The following NCL variants were observed in gnomAD, a reference collection of about 807,000 sequenced individuals.
NCL encodes the protein nucleolin multifunctional protein.
NCL carries 4 observed loss-of-function variants against 77.7 expected under a neutral mutation model. The observed-to-expected ratio is 0.05, with a 90% confidence interval of 0.03 to 0.12. The LOEUF is 0.12. NCL is among the 10% of genes least tolerant of loss of function. The pLI is 1.00. For missense variants in NCL, 763 were observed against 860.9 expected, an observed-to-expected ratio of 0.89 and a Z score of 1.42; for synonymous variants, 344 against 297.8, an observed-to-expected ratio of 1.16 and a Z score of -1.60.
At chr2:231,460,374 C>T in intron 5 of NCL, 81 bp from the exon 6 acceptor site, 2 of 1,594,324 alleles carry the variant, frequency 1.3e-6, no homozygotes, top group Non-Finnish European at 1.7e-6. Flanking sequence ...ATACACAGCA[C>T]ATCAGCACAC....
rs2046980716 is a variant in NCL, at chr2:231,464,371, A to G, written c.-18T>C. The G allele has an allele frequency of 1.2e-6, 2 of 1,600,530 alleles. No homozygotes were observed. Among genetic ancestry groups the G allele is most frequent in the Non-Finnish European group, 1.7e-6 (2 of 1,173,358 alleles). Reference sequence around the variant, plus strand: ...TTCACCATGATGGCGGCGGAGTGTGAAGCGGACAAGTGGCGCAGATGAGTC... The same window carrying G: ...TTCACCATGATGGCGGCGGAGTGTGGAGCGGACAAGTGGCGCAGATGAGTC... On this transcript the variant is annotated 5_prime_UTR_variant, in exon 1 of 14. Coordinates refer to ENST00000322723, the MANE Select transcript of NCL (RefSeq NM_005381.3).
chr2:231,460,662 T>G lies in NCL; in HGVS notation c.811+7A>C. On this transcript the variant is annotated splice_region_variant and intron_variant, in intron 4 of 13. Transcript: ENST00000322723. ...TCATGTCGTATGTCAGAATCTAATTTAAGTACCTTCCTCCTCCTCTTCTTC... is the reference window on the plus strand; with the variant it reads ...TCATGTCGTATGTCAGAATCTAATTGAAGTACCTTCCTCCTCCTCTTCTTC... 1 of 1,614,158 alleles carries G rather than the reference T, an allele frequency of 6.2e-7. No individual in the cohort carries two copies. The highest frequency in any genetic ancestry group is 8.5e-7 in the Non-Finnish European group (1 of 1,180,018).
In NCL at chr2:231,453,628, A is replaced by T. The variant is rs950468685; in HGVS notation, c.*1563T>A. On this transcript the variant is annotated 3_prime_UTR_variant, in exon 14 of 14. Coordinates refer to ENST00000322723, the MANE Select transcript of NCL (RefSeq NM_005381.3). ...GGCTTGCCTCATAGGAGACCCTCCC[A>T]CTGCTTTTTCATCGTAGTTACAACC... The T allele has an allele frequency of 1.3e-5, 2 of 153,984 alleles. No homozygotes were observed. The highest frequency in any genetic ancestry group is 4.8e-5 in the African/African-American group (2 of 41,446). The allele number at this position is 153,984 out of a possible 1,614,324, so 9.5% of individuals were successfully genotyped here. A position where few individuals can be genotyped will look rare whatever the true frequency, so the allele number is the denominator to read the frequency against.
At position 231,461,586 on chromosome 2, in the gene NCL, A is replaced by ATCC; in HGVS notation, c.566_567insGGA (p.Asp188_Asp189insGlu). On this transcript the variant is annotated inframe_insertion, in exon 3 of 14. Coordinates refer to ENST00000322723, the MANE Select transcript of NCL (RefSeq NM_005381.3). ...CATCCTCATCATCTTCGTCATCCTC[A>ATCC]TCGTCCTCATCCTCTGAGGCAGGGG... The ATCC allele has an allele frequency of 6.2e-7, 1 of 1,611,834 alleles. No homozygotes were observed. The highest frequency in any genetic ancestry group is 8.5e-7 in the Non-Finnish European group (1 of 1,177,984).
intron 9 of NCL, 187 bp from the exon 10 acceptor site, chr2:231,457,311 G>C (rs774138244): frequency 6.8e-6 from 6 of 879,732 alleles, no homozygotes; most frequent in Admixed American, 2.0e-5. Flanking sequence ...ATGTCCTGCT[G>C]GTTGTTCTTA....
Position 231,460,786 on chromosome 2 carries a change from C to G in NCL, c.694G>C (p.Val232Leu), listed in dbSNP as rs576589005. 4.0e-5 allele frequency: 64 copies of G among 1,614,008 alleles called. No individual in the cohort carries two copies. The highest frequency in any genetic ancestry group is 4.7e-5 in the Non-Finnish European group (55 of 1,179,990). The change falls in exon 4 of 14, where the codon GTG (valine) becomes CTG (leucine). Residue 232 changes from valine to leucine, a missense_variant. Physicochemically the swap from Val to Leu is conservative, Grantham distance 32. This residue lies in a region of NCL where 590 missense variants were observed against 570.5 expected (regional missense o/e 1.03). Transcript: ENST00000322723. ...AKVVPVKAKN[V>L]AEDEDEEEDD... is the part of the protein sequence containing the mutation. ...TCTTCTTCATCTTCATCCTCAGCCA[C>G]GTTCTTGGCTTTCACAGGAACAACT... is the stretch of plus-strand genomic sequence containing the variant.
Position 231,455,277 on chromosome 2 carries a change from G to T in NCL, c.2057-10C>A. 1 of 1,614,142 alleles carries T rather than the reference G, an allele frequency of 6.2e-7. No homozygotes were observed. Among genetic ancestry groups the T allele is most frequent in the Non-Finnish European group, 8.5e-7 (1 of 1,180,010 alleles). ...CGGAAGCCTCCTCGCCCTACAGGAG[G>T]AAGGCAAGACACTGTTAAAAGAATG... On this transcript the variant is annotated splice_polypyrimidine_tract_variant and intron_variant, in intron 13 of 13. Coordinates refer to ENST00000322723, the MANE Select transcript of NCL (RefSeq NM_005381.3).
intron 8 of NCL, among the ~76,000 whole-genome samples, chr2:231,458,049 G>A (rs912193395): frequency 6.6e-6 from 1 of 152,076 alleles, no homozygotes; most frequent in African/African-American, 2.4e-5. Flanking sequence ...TGTAAGATAG[G>A]CACATTTCTT....
chr2:231,458,097 C>G (rs970838769), intron 8 of NCL, among the ~76,000 whole-genome samples, 169 bp downstream of exon 8: 1 of 152,106 alleles, frequency 6.6e-6, no homozygotes, highest in Non-Finnish European at 1.5e-5. Context: ...TTAAAATCAC[C>G]CTATGAGTAC....
chr2:231,463,046 T>C (rs931269852), intron 2 of NCL, 154 bp downstream of exon 2: 54 of 631,756 alleles, frequency 8.5e-5, no homozygotes, highest in Middle Eastern at 8.7e-4. Context: ...AAATGACATC[T>C]TGACATGTCA....
At chr2:231,463,468 T>C in intron 1 of NCL, 152 bp from the exon 2 acceptor site, 1 of 697,952 alleles carries the variant, frequency 1.4e-6, no homozygotes, top group Non-Finnish European at 2.5e-6. Flanking sequence ...CTACTCCTGA[T>C]GGCAATGCAA....
At chr2:231,460,618 T>A in intron 4 of NCL, 51 bp downstream of exon 4, 2 of 1,614,142 alleles carry the variant, frequency 1.2e-6, no homozygotes, top group South Asian at 2.2e-5. Context: ...AACACTTAAG[T>A]GCCTCCTTTA....
chr2:231,456,870 A>T lies in NCL; in HGVS notation c.1572-106T>A, dbSNP rs986602234. On this transcript the variant is annotated intron_variant, in intron 10 of 13. Transcript: ENST00000322723. Reference sequence around the variant, plus strand: ...CTCTCAAGTTGGTACCTAAATGATGATCTTTATTTTACACTCATTTACGTA... The same window carrying T: ...CTCTCAAGTTGGTACCTAAATGATGTTCTTTATTTTACACTCATTTACGTA... 6 of 1,555,052 alleles carry T rather than the reference A, an allele frequency of 3.9e-6. No individual in the cohort carries two copies. The African/African-American group carries it at 8.3e-5, about 21-fold the overall frequency.
intron 1 of NCL, chr2:231,463,833 G>A (rs2046974307): frequency 6.0e-6 from 1 of 167,674 alleles, no homozygotes; most frequent in Admixed American, 6.1e-5. Context: ...ACGCGGCAGA[G>A]CCACCTTCCG....
chr2:231,455,254 GAAGCCTCCTCGC>G lies in NCL; in HGVS notation c.2058_2069del (p.Phe690_Gly693del). On this transcript the variant is annotated inframe_deletion and splice_region_variant, in exon 14 of 14. Transcript: ENST00000322723. Reference sequence around the variant, plus strand: ...CACCTCCTCCTCCTCTGCCTCCTCGGAAGCCTCCTCGCCCTACAGGAGGAAGGCAAGACACTG... The same window carrying G: ...CACCTCCTCCTCCTCTGCCTCCTCGGCCTACAGGAGGAAGGCAAGACACTG... The G allele has an allele frequency of 6.2e-7, 1 of 1,613,974 alleles. No individual in the cohort carries two copies. Among genetic ancestry groups the G allele is most frequent in the Admixed American group, 1.7e-5 (1 of 60,012 alleles).
Position 231,456,781 on chromosome 2 carries a change from A to T in NCL, c.1572-17T>A, listed in dbSNP as rs369322571. On this transcript the variant is annotated splice_polypyrimidine_tract_variant and intron_variant, in intron 10 of 13. Coordinates refer to ENST00000322723, the MANE Select transcript of NCL (RefSeq NM_005381.3). ...AATGCATACCTGAGGATGAACAGTT[A>T]ATGCTTAGAGTAAGTTACCAGGCAC... The T allele has an allele frequency of 3.7e-6, 6 of 1,613,684 alleles. No individual in the cohort carries two copies. Among genetic ancestry groups the T allele is most frequent in the Non-Finnish European group, 5.1e-6 (6 of 1,179,794 alleles).
chr2:231,455,626 TAG>T lies in NCL; in HGVS notation c.1833-4_1833-3del. On this transcript the variant is annotated splice_region_variant and splice_polypyrimidine_tract_variant and intron_variant, in intron 12 of 13. Coordinates refer to ENST00000322723, the MANE Select transcript of NCL (RefSeq NM_005381.3). ...CTGTTGAAGTCTACAAAACCAAACCTAGAACACCAAATGAAATTGCCCATTAT... is the reference window on the plus strand; with the variant it reads ...CTGTTGAAGTCTACAAAACCAAACCTAACACCAAATGAAATTGCCCATTAT... The T allele has an allele frequency of 6.2e-7, 1 of 1,613,938 alleles. No individual in the cohort carries two copies. Among genetic ancestry groups the T allele is most frequent in the African/African-American group, 1.3e-5 (1 of 75,042 alleles).
At position 231,464,381 on chromosome 2, in the gene NCL, G is replaced by C; in HGVS notation, c.-28C>G. ...TGGCGGCGGAGTGTGAAGCGGACAA[G>C]TGGCGCAGATGAGTCCAGAAGAAGC... On this transcript the variant is annotated 5_prime_UTR_variant, in exon 1 of 14. Transcript: ENST00000322723. The C allele has an allele frequency of 6.3e-7, 1 of 1,599,336 alleles. No homozygotes were observed. Among genetic ancestry groups the C allele is most frequent in the Non-Finnish European group, 8.5e-7 (1 of 1,172,708 alleles).
chr2:231,461,589 G>A lies in NCL; in HGVS notation c.564C>T (p.Asp188=), dbSNP rs773022418. ...CCTCATCATCTTCGTCATCCTCATCGTCCTCATCCTCTGAGGCAGGGGCAG... is the reference window on the plus strand; with the variant it reads ...CCTCATCATCTTCGTCATCCTCATCATCCTCATCCTCTGAGGCAGGGGCAG... ...AAAAPASEDE[D]DEDDEDDEDD... Residue 188 remains aspartate (D), a synonymous_variant, in exon 3 of 14, where the codon GAC becomes GAT. Coordinates refer to ENST00000322723, the MANE Select transcript of NCL (RefSeq NM_005381.3). 32 of 1,610,538 alleles carry A rather than the reference G, an allele frequency of 2.0e-5. No homozygotes were observed. The highest frequency in any genetic ancestry group is 1.0e-4 in the Admixed American group (6 of 59,986).
Sources: gnomAD v4.1 joint callset for allele counts (sites outside exome capture counted in the v4.1 genomes callset) on GRCh38, gnomAD v4.1.1 for gene constraint, gnomAD v4.1.1 regional missense constraint, MANE v1.5 for transcripts, NCBI Gene and HGNC (gene_info 2026-07-23, HGNC 2026-07-21) for gene names.